Variants in SH3PXD2B observed in about 807,000 individuals in gnomAD.
The protein encoded by SH3PXD2B is SH3 and PX domain-containing protein 2B.
Under a neutral mutation model 73.1 loss-of-function variants are expected in SH3PXD2B, and 37 were observed. That is an observed-to-expected ratio of 0.51 (90% CI 0.39 to 0.67). The LOEUF (loss-of-function observed/expected upper bound fraction) is 0.67. SH3PXD2B is among the 30% of genes least tolerant of loss of function. The probability of loss-of-function intolerance (pLI) is 0.00; values close to 1 mark genes in which losing one functional copy is unlikely to be tolerated. For synonymous variants in SH3PXD2B, 457 were observed against 480.5 expected, an observed-to-expected ratio of 0.95 and a Z score of 0.64; for missense variants, 1,053 against 1,197.8, an observed-to-expected ratio of 0.88 and a Z score of 1.78.
Position 172,408,534 on chromosome 5 carries a change from C to CTTTTTTTTTT in SH3PXD2B, c.157-2192_157-2183dup. ...TTCTTTTGTGTGCTTTGGGTTATCA[C>CTTTTTTTTTT]TTTTTTTTTTTTTTTTTTTTTGAGA... is the stretch of plus-strand genomic sequence containing the variant. On this transcript the variant is annotated intron_variant, in intron 2 of 12. Transcript: ENST00000311601. 8.2e-4 allele frequency among the ~76,000 whole-genome samples: 76 copies of CTTTTTTTTTT among 92,664 alleles called. 5 individuals carry two copies. Among genetic ancestry groups the CTTTTTTTTTT allele is most frequent in the African/African-American group, 2.6e-3 (53 of 20,026 alleles). 60.8% of individuals were successfully genotyped at this position (92,664 alleles called of 152,430 possible).
In SH3PXD2B at chr5:172,362,866, C is replaced by A. The variant is rs1561904968; in HGVS notation, c.431G>T (p.Gly144Val). Reference sequence around the variant, plus strand: ...CATGGGGTCCACTGAGGTTTGGTCACCCCCTGTGGATAGGAAACAGACATG... The same window carrying A: ...CATGGGGTCCACTGAGGTTTGGTCAACCCCTGTGGATAGGAAACAGACATG... ...EEHIGKKKSG[G>V]DQTSVDPMVL... The change falls in exon 7 of 13, where the codon GGT becomes GTT. Residue 144 changes from glycine (G) to valine (V), a missense_variant. Transcript: ENST00000311601. 1.2e-6 allele frequency: 2 copies of A among 1,614,108 alleles called. No homozygotes were observed. Among genetic ancestry groups the A allele is most frequent in the East Asian group, 2.2e-5 (1 of 44,880 alleles).
chr5:172,366,400 C>T (rs142959528), intron 6 of SH3PXD2B, among the ~76,000 whole-genome samples: 1 of 152,320 alleles, frequency 6.6e-6, no homozygotes, highest in Non-Finnish European at 1.5e-5. Flanking sequence ...ATGCCACTCC[C>T]TGCTCAGCAC....
In SH3PXD2B at chr5:172,336,700, A is replaced by AG; in HGVS notation, c.*1668dup. 1 of 69,260 alleles carries AG rather than the reference A, an allele frequency of 1.4e-5. No homozygotes were observed. The allele number at this position is 69,260 out of a possible 1,614,324, so 4.3% of individuals were successfully genotyped here. A position where few individuals can be genotyped will look rare whatever the true frequency, so the allele number is the denominator to read the frequency against. ...ATCTCTGGGGCAGGGCAGGGTGGGG[A>AG]GGGGCGGGGCAGGGCAGGGCAGGGC... On this transcript the variant is annotated 3_prime_UTR_variant, in exon 13 of 13. Transcript: ENST00000311601.
chr5:172,341,583 C>T (rs1319857195), intron 12 of SH3PXD2B, among the ~76,000 whole-genome samples: 1 of 152,222 alleles, frequency 6.6e-6, no homozygotes, highest in Non-Finnish European at 1.5e-5. Context: ...ACCATGCTTT[C>T]TGTACAGCAT....
intron 4 of SH3PXD2B, among the ~76,000 whole-genome samples, chr5:172,391,367 T>C (rs1034347171): frequency 5.3e-5 from 8 of 152,202 alleles, no homozygotes; most frequent in African/African-American, 1.9e-4. Context: ...TAAAATCGGG[T>C]TGTCTTACTA....
intron 2 of SH3PXD2B, among the ~76,000 whole-genome samples, chr5:172,411,653 TG>T (rs1407086199): frequency 1.3e-5 from 2 of 152,172 alleles, no homozygotes; most frequent in Non-Finnish European, 2.9e-5. Flanking sequence ...GCGGCGGGGC[TG>T]GGTAAATGAG....
intron 4 of SH3PXD2B, among the ~76,000 whole-genome samples, chr5:172,388,029 G>A (rs910916381): frequency 6.6e-6 from 1 of 152,092 alleles, no homozygotes; most frequent in African/African-American, 2.4e-5. Flanking sequence ...CATTTATTGA[G>A]GAATGATCTG....
chr5:172,440,488 C>T (rs11957797), intron 1 of SH3PXD2B, among the ~76,000 whole-genome samples: 38,125 of 151,154 alleles, frequency 0.25, 5,565 homozygotes, highest in East Asian at 0.67. Context: ...TCAGGAAGAA[C>T]ATCCCCAAAG....
intron 1 of SH3PXD2B, among the ~76,000 whole-genome samples, chr5:172,424,117 T>C (rs760246596): frequency 3.9e-5 from 6 of 152,350 alleles, no homozygotes; most frequent in Non-Finnish European, 7.3e-5. Flanking sequence ...CATCCAGCTC[T>C]GCCTGAAGCT....
At chr5:172,415,919 C>G (rs568219282) in intron 2 of SH3PXD2B, among the ~76,000 whole-genome samples, 1 of 152,346 alleles carries the variant, frequency 6.6e-6, no homozygotes, top group South Asian at 2.1e-4. Context: ...ATTTCCTGCA[C>G]CCTCAGGTGA....
At chr5:172,372,070 A>G (rs896084034) in intron 6 of SH3PXD2B, among the ~76,000 whole-genome samples, 1 of 152,216 alleles carries the variant, frequency 6.6e-6, no homozygotes, top group African/African-American at 2.4e-5. Flanking sequence ...GGGCCTGTGA[A>G]GTTGACCACA....
chr5:172,389,696 G>A (rs2113388731), intron 4 of SH3PXD2B, among the ~76,000 whole-genome samples: 1 of 152,096 alleles, frequency 6.6e-6, no homozygotes, highest in South Asian at 2.1e-4. Context: ...ACTGTATCCA[G>A]CCTGGGAGAT....
chr5:172,368,439 G>A (rs1757574192), intron 6 of SH3PXD2B, among the ~76,000 whole-genome samples: 1 of 102,404 alleles, frequency 9.8e-6, no homozygotes, highest in Non-Finnish European at 2.0e-5. Context: ...TGGTGCAAGG[G>A]GAGCTAAGAA....
chr5:172,368,319 T>C (rs1757571518), intron 6 of SH3PXD2B, among the ~76,000 whole-genome samples: 2 of 150,516 alleles, frequency 1.3e-5, no homozygotes, highest in Non-Finnish European at 2.9e-5. Context: ...TTTACTTGTC[T>C]CCTTGTTTAC....
rs1255192247 is a variant in SH3PXD2B, at chr5:172,454,480, G to A, written c.-128C>T. ...CGCAATCGCAGCCGGGGCCGAGCAC[G>A]AGCCGCCGCCGCCACCGCCGCCGCC... On this transcript the variant is annotated 5_prime_UTR_variant, in exon 1 of 13. Transcript: ENST00000311601. The A allele has an allele frequency of 1.2e-5, 4 of 336,778 alleles. No individual in the cohort carries two copies. Among genetic ancestry groups the A allele is most frequent in the African/African-American group, 4.6e-5 (2 of 43,312 alleles). The allele number at this position is 336,778 out of a possible 1,614,324, so 20.9% of individuals were successfully genotyped here.
intron 5 of SH3PXD2B, among the ~76,000 whole-genome samples, chr5:172,374,484 C>G (rs1000991930): frequency 6.6e-6 from 1 of 152,200 alleles, no homozygotes; most frequent in Non-Finnish European, 1.5e-5. Context: ...GAGTTTGAGA[C>G]CAGCCTGGCC....
At position 172,421,997 on chromosome 5, in the gene SH3PXD2B, T is replaced by A. The variant is rs1178824516; in HGVS notation, c.156+419A>T. On this transcript the variant is annotated intron_variant, in intron 2 of 12. Coordinates refer to ENST00000311601, the MANE Select transcript of SH3PXD2B (RefSeq NM_001017995.3). This position sits in a 1 kb window ranked among gnomAD's most constrained non-coding sequence, Gnocchi z 4.0. ...ATTTGTGTCTCAAAAGTAATGGATGTCATTTTTTTTTTTTGAGATGGAGTT... is the reference window on the plus strand; with the variant it reads ...ATTTGTGTCTCAAAAGTAATGGATGACATTTTTTTTTTTTGAGATGGAGTT... Among the ~76,000 whole-genome samples the A allele has an allele frequency of 8.4e-6, 1 of 119,092 alleles. No homozygotes were observed. Among genetic ancestry groups the A allele is most frequent in the Non-Finnish European group, 1.7e-5 (1 of 58,206 alleles). The allele number at this position is 119,092 out of a possible 152,430, so 78.1% of individuals were successfully genotyped here.
rs569443057 is a variant in SH3PXD2B, at chr5:172,383,440, C to T, written c.310-1313G>A. ...CTCAGCACTGCACTAGTTTCTGTGC[C>T]AAATACAACAGAAGTGCAGGGTACA... On this transcript the variant is annotated intron_variant, in intron 4 of 12. Transcript: ENST00000311601. Among the ~76,000 whole-genome samples the T allele has an allele frequency of 1.6e-4, 24 of 152,302 alleles. 1 individual carries two copies. In the South Asian group the frequency reaches 4.6e-3, roughly 29 times the overall value.
chr5:172,410,630 T>C (rs1758671784), intron 2 of SH3PXD2B, among the ~76,000 whole-genome samples: 1 of 152,136 alleles, frequency 6.6e-6, no homozygotes. Context: ...TAAAAAAAAA[T>C]TGGCTGAACC....
Sources: allele counts gnomAD v4.1 joint callset (sites outside exome capture counted in the v4.1 genomes callset), GRCh38; gene constraint gnomAD v4.1.1; non-coding constraint Gnocchi (gnomAD v3.1); transcripts MANE v1.5; gene names NCBI Gene and HGNC (gene_info 2026-07-23, HGNC 2026-07-21).